The following PRKCA variants were observed in gnomAD, a reference collection of about 807,000 sequenced individuals.
The protein encoded by PRKCA is protein kinase C alpha type.
In PRKCA, 27 loss-of-function variants were observed where a neutral mutation model predicts 87.0. The ratio of observed to expected loss-of-function variants is 0.31; its 90% confidence interval spans 0.23 to 0.43. PRKCA has a LOEUF of 0.43. PRKCA is among the 20% of genes least tolerant of loss of function. The probability of loss-of-function intolerance (pLI) is 1.00; values close to 1 mark genes in which losing one functional copy is unlikely to be tolerated. For missense variants in PRKCA, 518 were observed against 852.3 expected, an observed-to-expected ratio of 0.61 and a Z score of 4.88; for synonymous variants, 329 against 311.1, an observed-to-expected ratio of 1.06 and a Z score of -0.61.
rs1975996310 is a variant in PRKCA, at chr17:66,804,949, T to C, written c.*912T>C. On this transcript the variant is annotated 3_prime_UTR_variant, in exon 17 of 17. Transcript: ENST00000413366. ...CACCAACATTTTGCTGCCTACCTTG[T>C]TATCCTTCTCAAGAAGCTGAAGTGT... is the stretch of plus-strand genomic sequence containing the variant. The C allele has an allele frequency of 5.1e-6, 5 of 975,762 alleles. No homozygotes were observed. The South Asian group carries it at 2.4e-4, about 46-fold the overall frequency. The allele number at this position is 975,762 out of a possible 1,614,324, so 60.4% of individuals were successfully genotyped here.
At chr17:66,700,893 G>A (rs908085890) in intron 8 of PRKCA, among the ~76,000 whole-genome samples, 1 of 152,044 alleles carries the variant, frequency 6.6e-6, no homozygotes, top group Admixed American at 6.6e-5. Context: ...CAGATTATAC[G>A]TAATCCTTAT....
chr17:66,558,927 G>C (rs1052347921), intron 3 of PRKCA, among the ~76,000 whole-genome samples: 9 of 152,110 alleles, frequency 5.9e-5, no homozygotes, highest in Admixed American at 4.6e-4. Flanking sequence ...ATCTGATGCT[G>C]CCCTACTAAA....
Position 66,533,417 on chromosome 17 carries a change from C to T in PRKCA, c.288+37134C>T, listed in dbSNP as rs147263037. 7.0e-3 allele frequency among the ~76,000 whole-genome samples: 1,069 copies of T among 152,318 alleles called. 9 individuals carry two copies. Among genetic ancestry groups the T allele is most frequent in the South Asian group, 0.024 (116 of 4,828 alleles). ...TCCCTTTTTGGAGCTCAGTATTGGC[C>T]TGTCCTGACCCCCCTGGTTTGCCTC... is the stretch of plus-strand genomic sequence containing the variant. On this transcript the variant is annotated intron_variant, in intron 3 of 16. Coordinates refer to ENST00000413366, the MANE Select transcript of PRKCA (RefSeq NM_002737.3).
At position 66,616,028 on chromosome 17, in the gene PRKCA, A is replaced by G. The variant is rs78710600; in HGVS notation, c.289-25327A>G. On this transcript the variant is annotated intron_variant, in intron 3 of 16. Transcript: ENST00000413366. ...CAGCCATTTCGCCAAGTGAGGTTTT[A>G]TGCAATGTTACTCGTCACTACTCTG... Among the ~76,000 whole-genome samples, 99 of 152,266 alleles carry G rather than the reference A, an allele frequency of 6.5e-4. 1 individual carries two copies. In the East Asian group the frequency reaches 0.015, roughly 23 times the overall value.
chr17:66,561,535 G>T (rs1369085864), intron 3 of PRKCA, among the ~76,000 whole-genome samples: 1 of 152,168 alleles, frequency 6.6e-6, no homozygotes, highest in East Asian at 1.9e-4. Context: ...TAGAAATAAG[G>T]TGTATGATCC....
At chr17:66,458,890 G>T (rs1211962963) in intron 2 of PRKCA, among the ~76,000 whole-genome samples, 1 of 152,180 alleles carries the variant, frequency 6.6e-6, no homozygotes, top group African/African-American at 2.4e-5. Context: ...GGGAAGGAGA[G>T]AAGTAACATT....
intron 8 of PRKCA, among the ~76,000 whole-genome samples, chr17:66,710,387 T>A (rs1973294193): frequency 6.6e-6 from 1 of 152,158 alleles, no homozygotes; most frequent in African/African-American, 2.4e-5. Flanking sequence ...GCACTTCCTG[T>A]GTGTAACATT....
In PRKCA at chr17:66,357,644, A is replaced by G. The variant is rs996486980; in HGVS notation, c.205+51517A>G. Among the ~76,000 whole-genome samples, 16 of 152,202 alleles carry G rather than the reference A, an allele frequency of 1.1e-4. No homozygotes were observed. The East Asian group carries it at 1.2e-3, about 11-fold the overall frequency. On this transcript the variant is annotated intron_variant, in intron 2 of 16. Transcript: ENST00000413366. ...TTTTCCTGGCAGAGTTTTCTCGTTTATAAAATAGAAATAATACTACCTTTC... is the reference window on the plus strand; with the variant it reads ...TTTTCCTGGCAGAGTTTTCTCGTTTGTAAAATAGAAATAATACTACCTTTC...
At chr17:66,679,438 C>T (rs187084943) in intron 5 of PRKCA, among the ~76,000 whole-genome samples, 1 of 152,310 alleles carries the variant, frequency 6.6e-6, no homozygotes, top group Non-Finnish European at 1.5e-5. Flanking sequence ...GCCTTGGCCT[C>T]CCAGAGTGCT....
At chr17:66,701,125 A>G (rs559624019) in intron 8 of PRKCA, among the ~76,000 whole-genome samples, 1 of 152,254 alleles carries the variant, frequency 6.6e-6, no homozygotes, top group Non-Finnish European at 1.5e-5. Flanking sequence ...AGAATAGAAA[A>G]CCCAGAAATA....
chr17:66,557,710 C>T (rs1968543595), intron 3 of PRKCA, among the ~76,000 whole-genome samples: 1 of 152,160 alleles, frequency 6.6e-6, no homozygotes. Context: ...TTCAGCAATA[C>T]TATCAGTGCT....
chr17:66,659,256 C>G (rs1444898294), intron 5 of PRKCA, among the ~76,000 whole-genome samples: 1 of 152,130 alleles, frequency 6.6e-6, no homozygotes, highest in Non-Finnish European at 1.5e-5. Context: ...TGAGAGGCTG[C>G]TGGTCCGGTG....
At chr17:66,719,269 A>T (rs2144153332) in intron 8 of PRKCA, among the ~76,000 whole-genome samples, 1 of 152,312 alleles carries the variant, frequency 6.6e-6, no homozygotes, top group East Asian at 1.9e-4. Context: ...CACTCAAATC[A>T]TGTGGCAGAA....
Position 66,750,006 on chromosome 17 carries a change from G to A in PRKCA, c.1524+7246G>A, listed in dbSNP as rs529580666. On this transcript the variant is annotated intron_variant, in intron 13 of 16. Transcript: ENST00000413366. ...CCCAGAGACTTCTCCTGGCCTCTGG[G>A]GAAAGGATTGTAGAGAGGGATAGAA... 5.9e-5 allele frequency among the ~76,000 whole-genome samples: 9 copies of A among 152,196 alleles called. No individual in the cohort carries two copies. The South Asian group carries it at 1.2e-3, about 21-fold the overall frequency.
intron 2 of PRKCA, among the ~76,000 whole-genome samples, chr17:66,468,506 C>T (rs1915184657): frequency 6.6e-6 from 1 of 152,184 alleles, no homozygotes; most frequent in African/African-American, 2.4e-5. Context: ...CCTATTATAA[C>T]TGACAGATCC....
At chr17:66,367,511 TCTG>T (rs1296540437) in intron 2 of PRKCA, among the ~76,000 whole-genome samples, 2 of 152,240 alleles carry the variant, frequency 1.3e-5, no homozygotes, top group African/African-American at 4.8e-5. Context: ...CGTTTGGAAC[TCTG>T]CTATTTCTGT....
In PRKCA at chr17:66,488,382, C is replaced by T. The variant is rs180718226; in HGVS notation, c.206-7819C>T. Among the ~76,000 whole-genome samples the T allele has an allele frequency of 2.3e-3, 346 of 152,224 alleles. 3 individuals are homozygous for T. The highest frequency in any genetic ancestry group is 7.4e-3 in the African/African-American group (307 of 41,536). On this transcript the variant is annotated intron_variant, in intron 2 of 16. Transcript: ENST00000413366. ...AGTCTGAAGGTGATAGCCTTGCTGA[C>T]GCCAAGATCTGGTTTCTTTCTTTCT...
At chr17:66,801,962 T>C (rs1250147824) in intron 16 of PRKCA, among the ~76,000 whole-genome samples, 1 of 152,206 alleles carries the variant, frequency 6.6e-6, no homozygotes, top group East Asian at 1.9e-4. Flanking sequence ...GGCTCACACC[T>C]GTAATCCCAG....
chr17:66,406,239 C>T (rs932304751), intron 2 of PRKCA, among the ~76,000 whole-genome samples: 14 of 151,726 alleles, frequency 9.2e-5, no homozygotes, highest in Admixed American at 2.0e-4. Context: ...CATTAAAGAA[C>T]GGGGTGGGGG....
Sources: allele counts gnomAD v4.1 joint callset (sites outside exome capture counted in the v4.1 genomes callset), GRCh38; gene constraint gnomAD v4.1.1; transcripts MANE v1.5; gene names NCBI Gene and HGNC (gene_info 2026-07-23, HGNC 2026-07-21).